The following SIPA1L1 variants were observed in gnomAD, a reference collection of about 807,000 sequenced individuals.
SIPA1L1 encodes signal induced proliferation associated 1 like 1.
Under a neutral mutation model 162.7 loss-of-function variants are expected in SIPA1L1, and 26 were observed. The ratio of observed to expected loss-of-function variants is 0.16; its 90% CI spans 0.12 to 0.22. SIPA1L1 has a LOEUF of 0.22. SIPA1L1 is among the 10% of genes least tolerant of loss of function. SIPA1L1 has a pLI of 1.00. For synonymous variants in SIPA1L1, 829 were observed against 837.4 expected (o/e 0.99, Z 0.17); for missense variants, 1,874 against 2,241.0 (o/e 0.84, Z 3.31).
intron 17 of SIPA1L1, among the ~76,000 whole-genome samples, chr14:71,712,224 T>C (rs2150040927): frequency 6.6e-6 from 1 of 152,298 alleles, no homozygotes; most frequent in Non-Finnish European, 1.5e-5. Context: ...CTGGGCTCCA[T>C]TCCTACCTTC....
intron 4 of SIPA1L1, among the ~76,000 whole-genome samples, chr14:71,572,095 T>C (rs2032175470): frequency 6.6e-6 from 1 of 152,124 alleles, no homozygotes; most frequent in South Asian, 2.1e-4. Context: ...GCCTCCTAAC[T>C]TGCTAGCTCA....
intron 2 of SIPA1L1, among the ~76,000 whole-genome samples, chr14:71,410,594 T>G (rs2042334611): frequency 6.6e-6 from 1 of 152,232 alleles, no homozygotes; most frequent in Non-Finnish European, 1.5e-5. Context: ...TCGGAAAACC[T>G]GAAATCTGAA....
intron 2 of SIPA1L1, among the ~76,000 whole-genome samples, chr14:71,398,994 A>G (rs768314118): frequency 1.3e-5 from 2 of 152,242 alleles, no homozygotes; most frequent in Non-Finnish European, 1.5e-5. Context: ...CACTTTAATT[A>G]AAATCTAACC....
intron 4 of SIPA1L1, among the ~76,000 whole-genome samples, chr14:71,540,975 A>G (rs1384767302): frequency 1.3e-5 from 2 of 152,078 alleles, no homozygotes; most frequent in African/African-American, 4.8e-5. Flanking sequence ...AAAAAGAAAA[A>G]AAATTAGCCA....
chr14:71,613,736 T>G (rs987437945), intron 5 of SIPA1L1, among the ~76,000 whole-genome samples: 1 of 152,206 alleles, frequency 6.6e-6, no homozygotes, highest in Non-Finnish European at 1.5e-5. Flanking sequence ...TGGATTTGAC[T>G]AGAAGAACAC....
At chr14:71,434,286 T>A (rs1282202795) in intron 2 of SIPA1L1, among the ~76,000 whole-genome samples, 1 of 152,208 alleles carries the variant, frequency 6.6e-6, no homozygotes, top group Non-Finnish European at 1.5e-5. Flanking sequence ...ATGGATATAT[T>A]TTAAAAGTGT....
At chr14:71,685,895 C>T (rs542630445) in intron 13 of SIPA1L1, among the ~76,000 whole-genome samples, 4 of 152,228 alleles carry the variant, frequency 2.6e-5, no homozygotes, top group South Asian at 4.1e-4. Flanking sequence ...CAACAGACGT[C>T]GTTACTGCAT....
chr14:71,532,274 T>C (rs1054777975), intron 4 of SIPA1L1, among the ~76,000 whole-genome samples: 8 of 152,204 alleles, frequency 5.3e-5, no homozygotes, highest in African/African-American at 1.9e-4. Flanking sequence ...GAAAAGCCTA[T>C]TGAAAATTTT....
intron 4 of SIPA1L1, among the ~76,000 whole-genome samples, chr14:71,571,610 A>G (rs906782011): frequency 6.6e-6 from 1 of 152,100 alleles, no homozygotes; most frequent in African/African-American, 2.4e-5. Context: ...CTTACAACAG[A>G]ATACCTGAAA....
chr14:71,428,027 C>A (rs577635188), intron 2 of SIPA1L1, among the ~76,000 whole-genome samples: 114 of 151,736 alleles, frequency 7.5e-4, no homozygotes, highest in Middle Eastern at 3.4e-3. Context: ...GATGGAGTCT[C>A]ATTTTTTTGA....
intron 2 of SIPA1L1, among the ~76,000 whole-genome samples, chr14:71,498,057 T>G (rs1008989014): frequency 1.3e-5 from 2 of 152,252 alleles, no homozygotes; most frequent in African/African-American, 4.8e-5. Context: ...GATCTTCTTA[T>G]GACTTTAATT....
At chr14:71,722,249 G>C (rs1256149612) in intron 17 of SIPA1L1, among the ~76,000 whole-genome samples, 3 of 152,174 alleles carry the variant, frequency 2.0e-5, no homozygotes, top group Non-Finnish European at 2.9e-5. Context: ...TTCTTATGAA[G>C]GTGCTTTTTT....
chr14:71,738,053 CTTTTT>C (rs1241762428), intron 22 of SIPA1L1, among the ~76,000 whole-genome samples, 183 bp from the exon 23 acceptor site: 1 of 151,036 alleles, frequency 6.6e-6, no homozygotes, highest in East Asian at 1.9e-4. Flanking sequence ...CTTTTATTAC[CTTTTT>C]TTAAGACTAC....
In SIPA1L1 at chr14:71,562,667, A is replaced by G. The variant is rs548776811; in HGVS notation, c.-302-24904A>G. ...TGTTTTGTTATTTGTATTTTTTTCC[A>G]TGTGTATGGAACATATAATGTGTGA... On this transcript the variant is annotated intron_variant, in intron 4 of 23. Coordinates refer to ENST00000381232, the MANE Select transcript of SIPA1L1 (RefSeq NM_001386936.1). Among the ~76,000 whole-genome samples, 3 of 152,136 alleles carry G rather than the reference A, an allele frequency of 2.0e-5. 1 individual carries two copies. The East Asian group carries it at 5.8e-4, about 29-fold the overall frequency.
intron 13 of SIPA1L1, among the ~76,000 whole-genome samples, chr14:71,687,120 CAATTT>C (rs2080928242): frequency 6.6e-6 from 1 of 152,184 alleles, no homozygotes; most frequent in Admixed American, 6.5e-5. Context: ...AACAGACAAA[CAATTT>C]AATTAAAACA....
chr14:71,531,930 C>G (rs1279921461), intron 4 of SIPA1L1, among the ~76,000 whole-genome samples: 1 of 152,064 alleles, frequency 6.6e-6, no homozygotes, highest in Admixed American at 6.5e-5. Flanking sequence ...ATAGTCAGTT[C>G]CATTCAAAAA....
chr14:71,324,152 G>A (rs1235952963), intron 2 of SIPA1L1, among the ~76,000 whole-genome samples: 1 of 152,166 alleles, frequency 6.6e-6, no homozygotes, highest in Non-Finnish European at 1.5e-5. Flanking sequence ...ATGTATGAAA[G>A]TACTTTGTAA....
At chr14:71,550,284 C>T (rs181643812) in intron 4 of SIPA1L1, among the ~76,000 whole-genome samples, 147 of 152,016 alleles carry the variant, frequency 9.7e-4, no homozygotes, top group African/African-American at 3.4e-3. Context: ...TTAAAAAAGC[C>T]AAAGGGAAAT....
At chr14:71,366,599 A>T (rs2038321032) in intron 2 of SIPA1L1, among the ~76,000 whole-genome samples, 1 of 151,932 alleles carries the variant, frequency 6.6e-6, no homozygotes, top group African/African-American at 2.4e-5. Flanking sequence ...ATGCCTGGCT[A>T]ATTTTGTTTT....
Sources: gnomAD v4.1 joint callset for allele counts (sites outside exome capture counted in the v4.1 genomes callset) on GRCh38, gnomAD v4.1.1 for gene constraint, MANE v1.5 for transcripts, NCBI Gene and HGNC (gene_info 2026-07-23, HGNC 2026-07-21) for gene names.